Variants in MGAM observed in about 807,000 individuals in gnomAD.
The protein encoded by MGAM is maltase-glucoamylase.
Under a neutral mutation model 358.8 loss-of-function variants are expected in MGAM, and 253 were observed. That is an observed-to-expected ratio of 0.71 (90% CI 0.64 to 0.78). The LOEUF (loss-of-function observed/expected upper bound fraction) is 0.78. Among genes scored for constraint, MGAM ranks in the 30% least tolerant of loss-of-function variants. MGAM has a pLI of 0.00. For synonymous variants in MGAM, 1,105 were observed against 1,227.1 expected, an observed-to-expected ratio of 0.90 and a Z score of 2.08; for missense variants, 3,080 against 3,432.6, an observed-to-expected ratio of 0.90 and a Z score of 2.57.
intron 50 of MGAM, among the ~76,000 whole-genome samples, chr7:142,081,522 A>G (rs1814285307): frequency 6.9e-6 from 1 of 145,814 alleles, no homozygotes; most frequent in Non-Finnish European, 1.6e-5. Flanking sequence ...CATGCTAAAG[A>G]AAAGAAGTCT....
chr7:142,034,639 C>T (rs782669063), intron 15 of MGAM, 31 bp from the exon 16 acceptor site: 2 of 1,598,354 alleles, frequency 1.3e-6, no homozygotes, highest in Non-Finnish European at 1.7e-6. Flanking sequence ...TAAGATCCCA[C>T]ATTGACTCCT....
At chr7:142,102,554 CA>C in intron 68 of MGAM, 75 bp from the exon 69 acceptor site, 1 of 1,362,262 alleles carries the variant, frequency 7.3e-7, no homozygotes, top group Non-Finnish European at 1.0e-6. Flanking sequence ...GCAATTAGAA[CA>C]GCATTTATAT....
At position 142,040,833 on chromosome 7, in the gene MGAM, A is replaced by T. The variant is rs768988456; in HGVS notation, c.2485A>T (p.Thr829Ser). ...CTTCCCCACACAGCAGCCAAATACAACCACTCTGGCCAGGTATAGCATGGC... is the reference window on the plus strand; with the variant it reads ...CTTCCCCACACAGCAGCCAAATACATCCACTCTGGCCAGGTATAGCATGGC... ...YIFPTQQPNTTTLASRKNPLG... is the reference protein window; with the variant it reads ...YIFPTQQPNTSTLASRKNPLG... Residue 829 changes from threonine to serine, a missense_variant, in exon 21 of 71, where the codon ACC becomes TCC. Transcript: ENST00000475668. 1.6e-5 allele frequency: 25 copies of T among 1,611,410 alleles called. No individual in the cohort carries two copies. The highest frequency in any genetic ancestry group is 1.7e-6 in the Non-Finnish European group (2 of 1,178,768).
At chr7:142,033,886 G>A (rs1807732717) in intron 14 of MGAM, among the ~76,000 whole-genome samples, 1 of 152,196 alleles carries the variant, frequency 6.6e-6, no homozygotes, top group Non-Finnish European at 1.5e-5. Flanking sequence ...TACAATATAT[G>A]ATCAGGGGAG....
At chr7:142,027,844 A>C in intron 10 of MGAM, 109 bp downstream of exon 10, 1 of 1,255,434 alleles carries the variant, frequency 8.0e-7, no homozygotes, top group South Asian at 2.1e-5. Context: ...TTTATTTGGT[A>C]ATGAAAGGAG....
intron 8 of MGAM, 29 bp downstream of exon 8, chr7:142,025,178 C>A: frequency 6.6e-7 from 1 of 1,509,198 alleles, no homozygotes; most frequent in Non-Finnish European, 9.2e-7. Context: ...AAAAAACAAG[C>A]ACAAGAGTGA....
rs567683773 is a variant in MGAM at position 142,054,052 on chromosome 7, G to C, written c.3160-702G>C. On this transcript the variant is annotated intron_variant, in intron 26 of 70. Coordinates refer to ENST00000475668, the MANE Select transcript of MGAM (RefSeq NM_001365693.1). ...CAGAATGACTTGATCTCCTTTCTTT[G>C]TTTGGTTAATGACTACCAAGCTTTT... is the stretch of plus-strand genomic sequence containing the variant. 1.4e-4 allele frequency among the ~76,000 whole-genome samples: 22 copies of C among 152,228 alleles called. 1 individual carries two copies. The highest frequency in any genetic ancestry group is 5.3e-4 in the African/African-American group (22 of 41,556).
At chr7:142,005,685 A>G (rs374842060) in intron 2 of MGAM, 28 bp downstream of exon 2, 2 of 1,587,566 alleles carry the variant, frequency 1.3e-6, no homozygotes, top group South Asian at 1.2e-5. Context: ...GGCTCTCTCC[A>G]TATGTTGTTT....
At chr7:142,043,791 A>G (rs556912293) in intron 21 of MGAM, among the ~76,000 whole-genome samples, 5 of 82,292 alleles carry the variant, frequency 6.1e-5, no homozygotes, top group East Asian at 6.5e-4. Flanking sequence ...CATACGACAT[A>G]TAATATATAC....
chr7:142,049,273 G>C (rs913168170), intron 22 of MGAM, among the ~76,000 whole-genome samples: 2 of 151,972 alleles, frequency 1.3e-5, no homozygotes, highest in Non-Finnish European at 2.9e-5. Flanking sequence ...TGGACACTTA[G>C]GTTATTTTCA....
In MGAM at chr7:142,047,792, A is replaced by G. The variant is rs1810526997; in HGVS notation, c.2506A>G (p.Asn836Asp). 2 of 1,612,344 alleles carry G rather than the reference A, an allele frequency of 1.2e-6. No individual in the cohort carries two copies. Among genetic ancestry groups the G allele is most frequent in the Admixed American group, 1.7e-5 (1 of 59,966 alleles). ...GAATCTTGTTCCCCACAGTCGAAAG[A>G]ACCCTCTTGGTCTTATCATTGCCCT... ...PNTTTLASRKNPLGLIIALDE... is the reference protein window; with the variant it reads ...PNTTTLASRKDPLGLIIALDE... The change falls in exon 22 of 71, where the codon AAC becomes GAC. Residue 836 changes from asparagine (N) to aspartate (D), a missense_variant. Around this residue, in one of 5 missense-constraint regions of MGAM, gnomAD observed 1,816 missense variants for 1,840.5 expected, o/e 0.99. Coordinates refer to ENST00000475668, the MANE Select transcript of MGAM (RefSeq NM_001365693.1).
intron 30 of MGAM, among the ~76,000 whole-genome samples, chr7:142,057,356 G>A (rs1811654616): frequency 6.6e-6 from 1 of 151,346 alleles, no homozygotes; most frequent in South Asian, 2.1e-4. Context: ...GACGGTGATA[G>A]TGGTGGTGAT....
At chr7:142,050,549 G>T (rs1810846084) in intron 23 of MGAM, 148 bp from the exon 24 acceptor site, 1 of 947,534 alleles carries the variant, frequency 1.1e-6, no homozygotes, top group Admixed American at 2.4e-5. Flanking sequence ...AAATAATGTT[G>T]TACTTCTTCA....
intron 8 of MGAM, 25 bp from the exon 9 acceptor site, chr7:142,027,090 T>C (rs782022221): frequency 6.5e-7 from 1 of 1,539,020 alleles, no homozygotes; most frequent in Non-Finnish European, 9.0e-7. Context: ...CTGATTTTTA[T>C]TTTCTTCATT....
intron 50 of MGAM, among the ~76,000 whole-genome samples, chr7:142,081,496 G>C (rs1019045445): frequency 8.2e-5 from 12 of 145,570 alleles, no homozygotes; most frequent in African/African-American, 2.9e-4. Flanking sequence ...TAGGCCAGGA[G>C]ATGAAGCGAA....
intron 21 of MGAM, among the ~76,000 whole-genome samples, chr7:142,041,910 T>TA (rs1421578686): frequency 4.3e-5 from 3 of 69,286 alleles, no homozygotes; most frequent in African/African-American, 3.4e-4. Context: ...ATATATTATA[T>TA]ATATACGTAT....
intron 21 of MGAM, among the ~76,000 whole-genome samples, chr7:142,042,908 T>C (rs185816069): frequency 0.018 from 796 of 43,896 alleles, 31 homozygotes; most frequent in African/African-American, 0.047. Flanking sequence ...ATAATATCTA[T>C]ATTATATATA....
At chr7:142,042,304 A>G (rs761696892) in intron 21 of MGAM, among the ~76,000 whole-genome samples, 1 of 14 alleles carries the variant, frequency 0.071, no homozygotes, top group Non-Finnish European at 0.083. Flanking sequence ...TATATTATAT[A>G]TACATATAAT....
intron 2 of MGAM, among the ~76,000 whole-genome samples, chr7:141,989,918 A>G (rs1484734462): frequency 5.9e-5 from 9 of 152,190 alleles, no homozygotes; most frequent in South Asian, 4.1e-4. Context: ...TAAAATTATT[A>G]TTTTCTACAA....
Sources: allele counts gnomAD v4.1 joint callset (sites outside exome capture counted in the v4.1 genomes callset), GRCh38; gene constraint gnomAD v4.1.1; regional missense constraint gnomAD v4.1.1; transcripts MANE v1.5; gene names NCBI Gene and HGNC (gene_info 2026-07-23, HGNC 2026-07-21).